LARGE1: variants seen among roughly 807,000 people sequenced by gnomAD.
LARGE1 encodes LARGE xylosyl- and glucuronyltransferase 1.
Under a neutral mutation model 87.6 loss-of-function variants are expected in LARGE1, and 43 were observed. That is an observed-to-expected ratio of 0.49 (90% CI 0.38 to 0.63). The LOEUF is 0.63. LARGE1 is among the 30% of genes least tolerant of loss of function. The pLI, the probability that LARGE1 is intolerant of heterozygous loss-of-function variation, is 0.00. For missense variants in LARGE1, 802 were observed against 1,000.2 expected (o/e 0.80, Z 2.67); for synonymous variants, 434 against 394.6 (o/e 1.10, Z -1.18).
At chr22:33,572,731 A>T (rs576496671) in intron 5 of LARGE1, among the ~76,000 whole-genome samples, 43 of 152,076 alleles carry the variant, frequency 2.8e-4, no homozygotes, top group Non-Finnish European at 5.0e-4. Flanking sequence ...TTAGCCAGGC[A>T]TGGTGGCGCA....
rs191927195 is a variant in LARGE1 at position 33,511,929 on chromosome 22, T to G, written c.787+52919A>C. On this transcript the variant is annotated intron_variant, in intron 6 of 14. Transcript: ENST00000397394. ...TGGGACTGTAGCATATCTTCTTGTC[T>G]CATCTCTTTATTGTACCTGAGGCCC... is the stretch of plus-strand genomic sequence containing the variant. Among the ~76,000 whole-genome samples, 5 of 152,354 alleles carry G rather than the reference T, an allele frequency of 3.3e-5. No homozygotes were observed. In the East Asian group the frequency reaches 9.6e-4, roughly 29 times the overall value.
chr22:33,120,366 CTTTCTTTCTT>C, the LARGE1 span, among the ~76,000 whole-genome samples: 1 of 140,010 alleles, frequency 7.1e-6, no homozygotes, highest in East Asian at 2.4e-4. Context: ...CTTTTTCTTT[CTTTCTTTCTT>C]TCTTTCTTTC....
chr22:33,750,269 C>T (rs1366985208), intron 2 of LARGE1, among the ~76,000 whole-genome samples: 1 of 152,174 alleles, frequency 6.6e-6, no homozygotes, highest in East Asian at 1.9e-4. Flanking sequence ...ACAGCCAGTA[C>T]TCAGCTCCAG....
intron 2 of LARGE1, chr22:33,727,396 T>A (rs1407174719): frequency 1.3e-5 from 2 of 152,196 alleles, no homozygotes; most frequent in African/African-American, 4.8e-5. Context: ...TATATCGCAA[T>A]GAGGAACCAA....
chr22:33,178,542 A>C (rs1001253499), intron 11 of LARGE1, among the ~76,000 whole-genome samples: 1 of 152,230 alleles, frequency 6.6e-6, no homozygotes, highest in African/African-American at 2.4e-5. Flanking sequence ...ATGGAGTCCA[A>C]AGTGAACCCA....
intron 2 of LARGE1, among the ~76,000 whole-genome samples, chr22:33,697,321 CCA>C (rs1183719756): frequency 6.6e-6 from 1 of 152,130 alleles, no homozygotes; most frequent in Non-Finnish European, 1.5e-5. Context: ...GGCTTCTTAA[CCA>C]CAGTTTCCTT....
rs1012832811 is a variant in LARGE1 at position 33,704,076 on chromosome 22, T to A, written c.107-53408A>T. ...GGGATACTAAAGCGCTGAATTGTCATATTTCTAGATCTTAAATCTTAGGAA... is the reference window on the plus strand; with the variant it reads ...GGGATACTAAAGCGCTGAATTGTCAAATTTCTAGATCTTAAATCTTAGGAA... On this transcript the variant is annotated intron_variant, in intron 2 of 14. Transcript: ENST00000397394. Among the ~76,000 whole-genome samples, 9 of 152,366 alleles carry A rather than the reference T, an allele frequency of 5.9e-5. 2 individuals are homozygous for A. The highest frequency in any genetic ancestry group is 6.5e-5 in the Admixed American group (1 of 15,308).
chr22:33,524,754 A>AG (rs1282384214), intron 6 of LARGE1, among the ~76,000 whole-genome samples: 1 of 151,642 alleles, frequency 6.6e-6, no homozygotes, highest in African/African-American at 2.4e-5. Flanking sequence ...TAAAGCTAAA[A>AG]AAAAAAAAAA....
intron 4 of LARGE1, among the ~76,000 whole-genome samples, chr22:33,608,362 C>T (rs896748315): frequency 6.6e-6 from 1 of 152,112 alleles, no homozygotes; most frequent in Admixed American, 6.5e-5. Context: ...GCTTGGAAGC[C>T]CCATGAATTC....
intron 11 of LARGE1, among the ~76,000 whole-genome samples, chr22:33,233,469 T>C (rs559176616): frequency 6.6e-6 from 1 of 152,304 alleles, no homozygotes; most frequent in South Asian, 2.1e-4. Flanking sequence ...TTTCACCCCA[T>C]TCCTTCTTTA....
chr22:33,479,613 A>C (rs1212418049), intron 6 of LARGE1, among the ~76,000 whole-genome samples: 2 of 152,184 alleles, frequency 1.3e-5, no homozygotes, highest in Non-Finnish European at 2.9e-5. Flanking sequence ...AGCAGTAAAT[A>C]ATTCCTACTC....
intron 11 of LARGE1, among the ~76,000 whole-genome samples, chr22:33,253,141 G>A (rs973684977): frequency 1.2e-4 from 19 of 152,202 alleles, no homozygotes; most frequent in African/African-American, 4.6e-4. Flanking sequence ...GTGAGAACCT[G>A]AGAAAGCTAC....
At chr22:33,669,460 A>G (rs1398104516) in intron 2 of LARGE1, among the ~76,000 whole-genome samples, 3 of 152,258 alleles carry the variant, frequency 2.0e-5, no homozygotes, top group Non-Finnish European at 2.9e-5. Flanking sequence ...AGGCAAAACT[A>G]AAGCAAAACA....
intron 5 of LARGE1, among the ~76,000 whole-genome samples, chr22:33,576,197 G>A (rs1179801498): frequency 6.6e-6 from 1 of 152,134 alleles, no homozygotes; most frequent in Non-Finnish European, 1.5e-5. Context: ...CACATAGAAG[G>A]CACTCAATGA....
chr22:33,615,605 C>G (rs1009469221), intron 4 of LARGE1, among the ~76,000 whole-genome samples: 3 of 151,060 alleles, frequency 2.0e-5, no homozygotes, highest in Non-Finnish European at 4.4e-5. Flanking sequence ...GATCTCAGAC[C>G]AGCACCCTGA....
chr22:33,852,048 C>T (rs2063598538), intron 1 of LARGE1, among the ~76,000 whole-genome samples: 1 of 152,018 alleles, frequency 6.6e-6, no homozygotes, highest in East Asian at 1.9e-4. Context: ...CTCTTTATGC[C>T]CAAGAAGAGA....
intron 1 of LARGE1, among the ~76,000 whole-genome samples, chr22:33,831,100 CTTTTTTT>C (rs5845117): frequency 2.2e-5 from 3 of 137,194 alleles, no homozygotes; most frequent in East Asian, 4.3e-4. Context: ...TTTCTTTTTT[CTTTTTTT>C]TTTTTTTTGA....
At chr22:33,572,257 G>C in intron 5 of LARGE1, 1 of 1,248,768 alleles carries the variant, frequency 8.0e-7, no homozygotes, top group South Asian at 1.3e-5. Flanking sequence ...CTTTCATGTT[G>C]TTTCTGAGTG....
At chr22:33,771,045 C>A (rs1454972970) in intron 1 of LARGE1, among the ~76,000 whole-genome samples, 1 of 152,134 alleles carries the variant, frequency 6.6e-6, no homozygotes, top group East Asian at 1.9e-4. Context: ...CCCACAGTCC[C>A]CCACACAATC....
Sources: allele counts gnomAD v4.1 joint callset (sites outside exome capture counted in the v4.1 genomes callset), GRCh38; gene constraint gnomAD v4.1.1; transcripts MANE v1.5; gene names NCBI Gene and HGNC (gene_info 2026-07-23, HGNC 2026-07-21).